RMDN2: variants seen among roughly 807,000 people sequenced by gnomAD.
RMDN2 encodes regulator of microtubule dynamics 2, also known as regulator of microtubule dynamics protein 2.
In RMDN2, 61 loss-of-function variants were observed where a neutral mutation model predicts 52.8. That is an observed-to-expected ratio of 1.16 (90% CI 0.94 to 1.43). RMDN2 has a LOEUF of 1.43. RMDN2 is among the 40% of genes most tolerant of loss of function. The pLI is 0.00. For missense variants in RMDN2, 592 were observed against 475.3 expected (o/e 1.25, Z -2.28); for synonymous variants, 180 against 153.1 (o/e 1.18, Z -1.30).
chr2:38,026,023 T>C (rs550811188), intron 10 of RMDN2, among the ~76,000 whole-genome samples: 1 of 152,238 alleles, frequency 6.6e-6, no homozygotes, highest in East Asian at 1.9e-4. Context: ...AGAATTGATA[T>C]CGTTTCTCCC....
chr2:37,934,865 C>G (rs1207136389), intron 2 of RMDN2, among the ~76,000 whole-genome samples: 2 of 151,066 alleles, frequency 1.3e-5, no homozygotes, highest in African/African-American at 5.0e-5. Flanking sequence ...CTCTATCACT[C>G]TATGGGTCTA....
At chr2:38,031,332 G>A (rs1465453651) in intron 10 of RMDN2, among the ~76,000 whole-genome samples, 1 of 138,006 alleles carries the variant, frequency 7.2e-6, no homozygotes, top group Non-Finnish European at 1.5e-5. Context: ...GCCATTCACA[G>A]ATGCAATCAT....
intron 10 of RMDN2, among the ~76,000 whole-genome samples, chr2:38,051,170 A>C (rs1210437521): frequency 6.6e-6 from 1 of 152,204 alleles, no homozygotes; most frequent in Non-Finnish European, 1.5e-5. Context: ...AGGCTTCATT[A>C]ATCTGGAATT....
intron 2 of RMDN2, among the ~76,000 whole-genome samples, chr2:37,945,198 G>A (rs1485134031): frequency 6.6e-6 from 1 of 152,164 alleles, no homozygotes; most frequent in Non-Finnish European, 1.5e-5. Context: ...CCTAATCAGT[G>A]TCCCTGTTAC....
At chr2:37,930,133 C>T (rs1334735212) in intron 2 of RMDN2, among the ~76,000 whole-genome samples, 1 of 152,196 alleles carries the variant, frequency 6.6e-6, no homozygotes, top group Non-Finnish European at 1.5e-5. Context: ...TAGCCACTAG[C>T]CCCCTCTGGC....
intron 2 of RMDN2, among the ~76,000 whole-genome samples, chr2:37,930,915 G>A (rs939278659): frequency 6.6e-6 from 1 of 152,122 alleles, no homozygotes. Context: ...CAGTGGGCAG[G>A]CAGCGCATGG....
chr2:38,044,305 A>G (rs1360232718), intron 10 of RMDN2, among the ~76,000 whole-genome samples: 1 of 151,780 alleles, frequency 6.6e-6, no homozygotes, highest in African/African-American at 2.4e-5. Context: ...ATTCTTTCAA[A>G]GTTTTCTGTT....
intron 2 of RMDN2, among the ~76,000 whole-genome samples, chr2:37,957,472 C>A (rs1669629578): frequency 6.6e-6 from 1 of 152,122 alleles, no homozygotes; most frequent in Admixed American, 6.6e-5. Context: ...ATATCCTTCA[C>A]CCACTTTTTG....
chr2:37,984,532 C>G (rs78372046), intron 5 of RMDN2, among the ~76,000 whole-genome samples: 2,443 of 152,220 alleles, frequency 0.016, 58 homozygotes, highest in African/African-American at 0.056. Context: ...AGTGGAAAAA[C>G]AGAAACTAGA....
At chr2:38,023,237 G>A (rs887806609) in intron 10 of RMDN2, among the ~76,000 whole-genome samples, 3 of 152,172 alleles carry the variant, frequency 2.0e-5, no homozygotes, top group Admixed American at 2.0e-4. Flanking sequence ...AGTCCATGCT[G>A]TGGTCAGCCA....
chr2:38,055,610 G>C (rs1681830239), intron 10 of RMDN2, among the ~76,000 whole-genome samples: 1 of 152,122 alleles, frequency 6.6e-6, no homozygotes, highest in South Asian at 2.1e-4. Context: ...GTATCAGCTT[G>C]GTCCTCAGGT....
At chr2:38,015,629 A>C (rs1182349844) in intron 10 of RMDN2, among the ~76,000 whole-genome samples, 1 of 152,204 alleles carries the variant, frequency 6.6e-6, no homozygotes, top group Non-Finnish European at 1.5e-5. Context: ...GATTTTACTC[A>C]GAAAGAGTAG....
rs141013088 is a variant in RMDN2, at chr2:38,063,403, A to G, written c.1714-3579A>G. 2.7e-4 allele frequency among the ~76,000 whole-genome samples: 41 copies of G among 152,336 alleles called. No homozygotes were observed. The East Asian group carries it at 7.9e-3, about 29-fold the overall frequency. ...GCATTTTTTCATGTGTTTTTAATTCAAGATGGATTGAAGACTTAAATGTTA... is the reference window on the plus strand; with the variant it reads ...GCATTTTTTCATGTGTTTTTAATTCGAGATGGATTGAAGACTTAAATGTTA... On this transcript the variant is annotated intron_variant, in intron 10 of 10. Coordinates refer to the RMDN2 transcript ENST00000234195.
chr2:37,992,886 G>A (rs1674995092), intron 7 of RMDN2, among the ~76,000 whole-genome samples: 2 of 151,972 alleles, frequency 1.3e-5, no homozygotes, highest in African/African-American at 4.8e-5. Context: ...AGGAGAACAG[G>A]ATTCAAACAC....
chr2:37,984,751 C>G (rs1673774198), intron 5 of RMDN2, among the ~76,000 whole-genome samples: 1 of 151,444 alleles, frequency 6.6e-6, no homozygotes, highest in African/African-American at 2.4e-5. Flanking sequence ...GTGTTCTTGT[C>G]AAAACATATG....
chr2:37,987,904 C>A (rs1408642370), intron 5 of RMDN2, among the ~76,000 whole-genome samples: 1 of 151,968 alleles, frequency 6.6e-6, no homozygotes, highest in South Asian at 2.1e-4. Flanking sequence ...ACTAAAAATA[C>A]AAAAATTAGC....
chr2:37,989,688 A>G, intron 6 of RMDN2, 72 bp downstream of exon 6: 2 of 1,004,072 alleles, frequency 2.0e-6, no homozygotes, highest in Non-Finnish European at 3.0e-6. Flanking sequence ...AATAATAAAA[A>G]TGTTTTAATG....
At chr2:38,023,607 G>A (rs905863364) in intron 10 of RMDN2, among the ~76,000 whole-genome samples, 1 of 151,986 alleles carries the variant, frequency 6.6e-6, no homozygotes, top group Non-Finnish European at 1.5e-5. Flanking sequence ...TTTGGTTATG[G>A]ACTTTGTGGC....
upstream of RMDN2, among the ~76,000 whole-genome samples, chr2:37,922,643 T>C (rs1261562319): frequency 1.3e-5 from 2 of 152,214 alleles, no homozygotes; most frequent in African/African-American, 4.8e-5. Context: ...AGTAATTATA[T>C]AGTGTACACC....
Sources: allele counts gnomAD v4.1 joint callset (sites outside exome capture counted in the v4.1 genomes callset), GRCh38; gene constraint gnomAD v4.1.1; transcripts MANE v1.5; gene names NCBI Gene and HGNC (gene_info 2026-07-23, HGNC 2026-07-21).